Variants in TAFA1 observed in about 807,000 individuals in gnomAD.
TAFA1 encodes the protein TAFA chemokine like family member 1.
A neutral mutation model predicts 18.5 loss-of-function variants in TAFA1; 4 were observed. That is an observed-to-expected ratio of 0.22 (90% CI 0.11 to 0.49). TAFA1 has a LOEUF of 0.49. TAFA1 is among the 20% of genes least tolerant of loss of function. TAFA1 has a pLI of 0.98. For synonymous variants in TAFA1, 56 were observed against 55.2 expected (o/e 1.01, Z -0.06); for missense variants, 147 against 169.0 (o/e 0.87, Z 0.72).
the TAFA1 span, among the ~76,000 whole-genome samples, chr3:67,991,939 CCTGA>C: frequency 1.1e-4 from 16 of 152,166 alleles, no homozygotes; most frequent in East Asian, 2.7e-3. Context: ...TCTGGAGAAC[CCTGA>C]CTAATGCCCT....
At position 68,086,057 on chromosome 3, in the gene TAFA1, A is replaced by G. The variant is rs577367327; in HGVS notation, c.118+79313A>G. 1.9e-3 allele frequency among the ~76,000 whole-genome samples: 285 copies of G among 152,324 alleles called. 1 individual carries two copies. Among genetic ancestry groups the G allele is most frequent in the African/African-American group, 6.7e-3 (278 of 41,580 alleles). On this transcript the variant is annotated intron_variant, in intron 2 of 4. Transcript: ENST00000478136. ...CCCTGAAGGAATTGTCTCTGTTTAC[A>G]TGAGGTACAGCCCATTTGTAAATAT...
At chr3:68,055,489 C>T (rs1012731288) in intron 2 of TAFA1, among the ~76,000 whole-genome samples, 1 of 152,104 alleles carries the variant, frequency 6.6e-6, no homozygotes, top group Non-Finnish European at 1.5e-5. Flanking sequence ...TTAACCAGAA[C>T]TTGAAACACA....
chr3:68,087,623 C>A (rs1217032220), intron 2 of TAFA1, among the ~76,000 whole-genome samples: 2 of 149,854 alleles, frequency 1.3e-5, no homozygotes, highest in African/African-American at 4.9e-5. Context: ...CCCTCTCTCC[C>A]TCCCACCCTT....
intron 2 of TAFA1, among the ~76,000 whole-genome samples, chr3:68,021,859 T>G (rs1161015590): frequency 6.6e-6 from 1 of 152,148 alleles, no homozygotes; most frequent in East Asian, 1.9e-4. Context: ...CAGGGTCTCC[T>G]AAGAATTTGT....
Position 68,276,960 on chromosome 3 carries a change from A to G in TAFA1, c.119-140320A>G, listed in dbSNP as rs564369235. On this transcript the variant is annotated intron_variant, in intron 2 of 4. Coordinates refer to ENST00000478136, the MANE Select transcript of TAFA1 (RefSeq NM_213609.4). ...TTTAAATATTCAAAGAATATAGTCA[A>G]GTATACAAGAGGAAATTAAAATCAT... Among the ~76,000 whole-genome samples, 3 of 152,276 alleles carry G rather than the reference A, an allele frequency of 2.0e-5. No individual in the cohort carries two copies. The South Asian group carries it at 6.2e-4, about 32-fold the overall frequency.
At chr3:68,078,743 G>A (rs1186534448) in intron 2 of TAFA1, among the ~76,000 whole-genome samples, 2 of 152,146 alleles carry the variant, frequency 1.3e-5, no homozygotes, top group Non-Finnish European at 2.9e-5. Flanking sequence ...TTGCATCAAT[G>A]TTCATCAAGG....
chr3:68,371,406 G>T (rs2069704320), intron 2 of TAFA1, among the ~76,000 whole-genome samples: 1 of 152,016 alleles, frequency 6.6e-6, no homozygotes, highest in African/African-American at 2.4e-5. Context: ...GCCCCAGTGT[G>T]TGATGTTCCC....
At chr3:68,361,976 C>G (rs1019664392) in intron 2 of TAFA1, among the ~76,000 whole-genome samples, 1 of 152,086 alleles carries the variant, frequency 6.6e-6, no homozygotes, top group East Asian at 1.9e-4. Context: ...CCATTCCAAC[C>G]AGTCCCCAAC....
intron 3 of TAFA1, among the ~76,000 whole-genome samples, chr3:68,534,473 T>C (rs1207985009): frequency 6.6e-6 from 1 of 152,204 alleles, no homozygotes; most frequent in Non-Finnish European, 1.5e-5. Flanking sequence ...TTATTTTTAT[T>C]TTGTTTTATA....
intron 2 of TAFA1, among the ~76,000 whole-genome samples, chr3:68,389,860 C>G (rs1274595065): frequency 6.6e-6 from 1 of 152,152 alleles, no homozygotes; most frequent in Non-Finnish European, 1.5e-5. Context: ...AAAGTCTTTG[C>G]AACCCACAGA....
intron 3 of TAFA1, among the ~76,000 whole-genome samples, chr3:68,420,846 G>A (rs1174337315): frequency 6.6e-6 from 1 of 152,130 alleles, no homozygotes; most frequent in East Asian, 1.9e-4. Flanking sequence ...AGTCAACACA[G>A]TGAGCACCTC....
intron 2 of TAFA1, among the ~76,000 whole-genome samples, chr3:68,374,553 C>T (rs2069770982): frequency 6.6e-6 from 1 of 152,146 alleles, no homozygotes; most frequent in African/African-American, 2.4e-5. Context: ...TATTTTAGGA[C>T]AATAAATTGG....
At chr3:68,296,835 G>A (rs1439697351) in intron 2 of TAFA1, among the ~76,000 whole-genome samples, 1 of 152,184 alleles carries the variant, frequency 6.6e-6, no homozygotes, top group Non-Finnish European at 1.5e-5. Flanking sequence ...GGGGAGACCT[G>A]TTCATCAAAT....
At chr3:68,260,692 GA>G (rs1351875891) in intron 2 of TAFA1, among the ~76,000 whole-genome samples, 1 of 152,080 alleles carries the variant, frequency 6.6e-6, no homozygotes, top group African/African-American at 2.4e-5. Flanking sequence ...TTTAATAAAT[GA>G]TGCTGGGAAA....
intron 2 of TAFA1, among the ~76,000 whole-genome samples, chr3:68,327,779 GT>G (rs1487041968): frequency 6.6e-6 from 1 of 152,150 alleles, no homozygotes; most frequent in Non-Finnish European, 1.5e-5. Flanking sequence ...TGGATGCTGA[GT>G]TTTTATTAAT....
rs559967439 is a variant in TAFA1 at position 68,216,373 on chromosome 3, C to G, written c.119-200907C>G. Among the ~76,000 whole-genome samples, 3 of 152,088 alleles carry G rather than the reference C, an allele frequency of 2.0e-5. No homozygotes were observed. The South Asian group carries it at 6.2e-4, about 32-fold the overall frequency. The stretch of plus-strand genomic sequence containing the variant: ...TGAATGCAGAATATGACTAAAAATC[C>G]TAATTCTATTAAAATATATAAAACA... On this transcript the variant is annotated intron_variant, in intron 2 of 4. Coordinates refer to ENST00000478136, the MANE Select transcript of TAFA1 (RefSeq NM_213609.4).
At chr3:68,543,663 A>G (rs891693515) in intron 4 of TAFA1, among the ~76,000 whole-genome samples, 4 of 152,140 alleles carry the variant, frequency 2.6e-5, no homozygotes, top group African/African-American at 7.2e-5. Context: ...AAGAAGTAAG[A>G]GATAATAAAG....
At chr3:68,022,455 T>G (rs1348609603) in intron 2 of TAFA1, among the ~76,000 whole-genome samples, 1 of 152,144 alleles carries the variant, frequency 6.6e-6, no homozygotes, top group African/African-American at 2.4e-5. Context: ...CTGTCCATCC[T>G]TCTTTCCTTT....
chr3:68,479,325 A>G (rs1358815662), intron 3 of TAFA1, among the ~76,000 whole-genome samples: 1 of 151,352 alleles, frequency 6.6e-6, no homozygotes, highest in Non-Finnish European at 1.5e-5. Context: ...GTCTGTACAT[A>G]TATGTGAATA....
Sources: allele counts gnomAD v4.1 joint callset (sites outside exome capture counted in the v4.1 genomes callset), GRCh38; gene constraint gnomAD v4.1.1; transcripts MANE v1.5; gene names NCBI Gene and HGNC (gene_info 2026-07-23, HGNC 2026-07-21).